LRRC4C: variants seen among roughly 807,000 people sequenced by gnomAD.
LRRC4C encodes leucine rich repeat containing 4C.
A neutral mutation model predicts 33.6 loss-of-function variants in LRRC4C; 5 were observed. That is an observed-to-expected ratio of 0.15 (90% CI 0.08 to 0.31). LRRC4C has a LOEUF of 0.31. Ranked by LOEUF, LRRC4C falls within the 10% of genes least tolerant of loss-of-function variation. The probability of loss-of-function intolerance (pLI) is 1.00; values close to 1 mark genes in which losing one functional copy is unlikely to be tolerated. For missense variants in LRRC4C, 560 were observed against 796.7 expected (o/e 0.70, Z 3.58); for synonymous variants, 329 against 302.0 (o/e 1.09, Z -0.93).
At chr11:40,471,682 C>CAAAAA (rs3041120) in intron 3 of LRRC4C, among the ~76,000 whole-genome samples, 7 of 130,984 alleles carry the variant, frequency 5.3e-5, no homozygotes, top group African/African-American at 8.5e-5. Flanking sequence ...AATGGAAAGC[C>CAAAAA]AAAAAAAAAA....
chr11:40,722,859 A>T (rs1947095948), intron 2 of LRRC4C, among the ~76,000 whole-genome samples: 1 of 152,164 alleles, frequency 6.6e-6, no homozygotes, highest in Non-Finnish European at 1.5e-5. Flanking sequence ...GAAGCCAGAA[A>T]AATAATCCAA....
At position 40,976,733 on chromosome 11, in the gene LRRC4C, A is replaced by C. The variant is rs896101078; in HGVS notation, c.-495-43010T>G. ...GAGTATACAAAAAGGATTCCAAAAG[A>C]AAAAAACAATGATTGAATGACTGTA... On this transcript the variant is annotated intron_variant, in intron 1 of 6. Coordinates refer to ENST00000528697, the MANE Select transcript of LRRC4C (RefSeq NM_001258419.2). 3.9e-5 allele frequency among the ~76,000 whole-genome samples: 6 copies of C among 152,214 alleles called. No homozygotes were observed. In the East Asian group the frequency reaches 5.8e-4, roughly 15 times the overall value.
At chr11:40,227,655 T>G (rs1864905356) in intron 5 of LRRC4C, among the ~76,000 whole-genome samples, 1 of 152,058 alleles carries the variant, frequency 6.6e-6, no homozygotes. Context: ...CAATTATTCC[T>G]TGTTGAGAGC....
At chr11:41,127,139 T>G (rs572426501) in intron 1 of LRRC4C, among the ~76,000 whole-genome samples, 19 of 152,264 alleles carry the variant, frequency 1.2e-4, no homozygotes, top group African/African-American at 4.3e-4. Flanking sequence ...TTTAATTGCA[T>G]GTACCACACT....
At position 40,989,942 on chromosome 11, in the gene LRRC4C, T is replaced by G. The variant is rs138105141; in HGVS notation, c.-495-56219A>C. 3.9e-3 allele frequency among the ~76,000 whole-genome samples: 592 copies of G among 151,928 alleles called. 4 individuals carry two copies. Among genetic ancestry groups the G allele is most frequent in the African/African-American group, 0.013 (534 of 41,476 alleles). On this transcript the variant is annotated intron_variant, in intron 1 of 6. Coordinates refer to ENST00000528697, the MANE Select transcript of LRRC4C (RefSeq NM_001258419.2). The stretch of plus-strand genomic sequence containing the variant: ...CAACTCTTTCATAGTATTTATATTG[T>G]GTTAGGTATTATAAATAATCTAGAG...
chr11:40,914,992 A>C (rs1388690076), intron 2 of LRRC4C, among the ~76,000 whole-genome samples: 24 of 152,292 alleles, frequency 1.6e-4, no homozygotes, highest in Non-Finnish European at 2.9e-5. Flanking sequence ...TTACAGGGGA[A>C]GTGAAGGACC....
intron 2 of LRRC4C, among the ~76,000 whole-genome samples, chr11:40,729,827 A>G (rs1220778382): frequency 6.6e-6 from 1 of 152,212 alleles, no homozygotes; most frequent in Non-Finnish European, 1.5e-5. Context: ...TATACTTAAT[A>G]TTCTTCAACA....
chr11:40,184,085 AT>A (rs753502882), intron 5 of LRRC4C, among the ~76,000 whole-genome samples: 56 of 151,902 alleles, frequency 3.7e-4, no homozygotes, highest in Non-Finnish European at 1.5e-4. Flanking sequence ...TTGCTTAGCT[AT>A]GTTTGTGCTA....
At chr11:40,850,613 C>A (rs1050715480) in intron 2 of LRRC4C, among the ~76,000 whole-genome samples, 2 of 152,198 alleles carry the variant, frequency 1.3e-5, no homozygotes, top group African/African-American at 4.8e-5. Flanking sequence ...TCAGGACCCA[C>A]TTGAGGAGGC....
rs550446342 is a variant in LRRC4C at position 40,652,002 on chromosome 11, T to A, written c.-406-3724A>T. ...GTGATTTTAACTTTTTTGAATTTGA[T>A]CTTTTGACCATTCTTTACAAAAACT... is the stretch of plus-strand genomic sequence containing the variant. On this transcript the variant is annotated intron_variant, in intron 2 of 6. Coordinates refer to ENST00000528697, the MANE Select transcript of LRRC4C (RefSeq NM_001258419.2). Among the ~76,000 whole-genome samples, 3 of 152,332 alleles carry A rather than the reference T, an allele frequency of 2.0e-5. No homozygotes were observed. In the East Asian group the frequency reaches 5.8e-4, roughly 29 times the overall value.
At chr11:40,383,458 C>T (rs1312092371) in intron 3 of LRRC4C, among the ~76,000 whole-genome samples, 1 of 152,144 alleles carries the variant, frequency 6.6e-6, no homozygotes, top group African/African-American at 2.4e-5. Flanking sequence ...GTGGCTGCAC[C>T]AATTTACATT....
chr11:41,383,324 A>G (rs1953229463), intron 1 of LRRC4C, among the ~76,000 whole-genome samples: 1 of 152,130 alleles, frequency 6.6e-6, no homozygotes, highest in African/African-American at 2.4e-5. Flanking sequence ...CCCTGGACCT[A>G]TAGACAACTT....
intron 1 of LRRC4C, among the ~76,000 whole-genome samples, chr11:41,228,891 A>G (rs1947659268): frequency 6.6e-6 from 1 of 152,158 alleles, no homozygotes; most frequent in Admixed American, 6.6e-5. Context: ...TCCACAGTTC[A>G]ACATTGGAGT....
intron 3 of LRRC4C, among the ~76,000 whole-genome samples, chr11:40,620,030 A>T (rs1177750577): frequency 6.8e-6 from 1 of 146,492 alleles, no homozygotes; most frequent in African/African-American, 2.5e-5. Context: ...AGATGTGAAA[A>T]ATTGAAGTTT....
intron 3 of LRRC4C, among the ~76,000 whole-genome samples, chr11:40,593,972 A>G (rs1359991190): frequency 6.6e-6 from 1 of 152,216 alleles, no homozygotes; most frequent in East Asian, 1.9e-4. Context: ...CCAGTTATGT[A>G]ATATCACTAA....
At chr11:41,365,558 T>C (rs1441217241) in intron 1 of LRRC4C, among the ~76,000 whole-genome samples, 5 of 152,198 alleles carry the variant, frequency 3.3e-5, no homozygotes, top group Non-Finnish European at 1.5e-5. Context: ...TACTTCCTTG[T>C]TCTTAATAAA....
chr11:40,219,685 C>G (rs1359231582), intron 5 of LRRC4C, among the ~76,000 whole-genome samples: 1 of 148,368 alleles, frequency 6.7e-6, no homozygotes, highest in East Asian at 2.0e-4. Context: ...TCCAAATATG[C>G]AGACATAGAG....
At chr11:40,336,182 A>C (rs996793897) in intron 3 of LRRC4C, among the ~76,000 whole-genome samples, 6 of 152,192 alleles carry the variant, frequency 3.9e-5, no homozygotes, top group African/African-American at 1.2e-4. Context: ...CTTCTAACGT[A>C]ACTGTGACAG....
At chr11:40,641,145 A>G (rs1398651238) in intron 3 of LRRC4C, among the ~76,000 whole-genome samples, 2 of 152,152 alleles carry the variant, frequency 1.3e-5, no homozygotes, top group Non-Finnish European at 2.9e-5. Context: ...AGCACTCTGA[A>G]TATTTCCATT....
Sources: gnomAD v4.1 joint callset for allele counts (sites outside exome capture counted in the v4.1 genomes callset) on GRCh38, gnomAD v4.1.1 for gene constraint, MANE v1.5 for transcripts, NCBI Gene and HGNC (gene_info 2026-07-23, HGNC 2026-07-21) for gene names.